Variants in UFSP2 observed in about 807,000 individuals in gnomAD.
The protein encoded by UFSP2 is UFM1 specific peptidase 2, also known as ufm1-specific protease 2.
In UFSP2, 43 loss-of-function variants were observed where a neutral mutation model predicts 60.2. The ratio of observed to expected loss-of-function variants is 0.71; its 90% CI spans 0.56 to 0.92. The LOEUF (loss-of-function observed/expected upper bound fraction) is 0.92, where lower values mean the gene tolerates loss of function less well. Among genes scored for constraint, UFSP2 ranks in the 40% least tolerant of loss-of-function variants. The pLI, the probability that UFSP2 is intolerant of heterozygous loss-of-function variation, is 0.00. For missense variants in UFSP2, 520 were observed against 575.0 expected, an observed-to-expected ratio of 0.90 and a Z score of 0.98; for synonymous variants, 183 against 195.1, an observed-to-expected ratio of 0.94 and a Z score of 0.52.
intron 9 of UFSP2, among the ~76,000 whole-genome samples, chr4:185,407,314 A>G (rs573208162): frequency 6.6e-6 from 1 of 152,226 alleles, no homozygotes; most frequent in South Asian, 2.1e-4. Flanking sequence ...TCGGCCTCCC[A>G]AAGTGCTACG....
Position 185,400,223 on chromosome 4 carries a change from T to G in UFSP2, c.*169A>C. On this transcript the variant is annotated 3_prime_UTR_variant, in exon 12 of 12. Transcript: ENST00000264689. ...GTGTATGCTTTGTCTTTTAAGTTATTAAAGGAACGTCTAAAAAATACATTC... is the reference window on the plus strand; with the variant it reads ...GTGTATGCTTTGTCTTTTAAGTTATGAAAGGAACGTCTAAAAAATACATTC... 2 of 710,674 alleles carry G rather than the reference T, an allele frequency of 2.8e-6. No homozygotes were observed. Among genetic ancestry groups the G allele is most frequent in the Non-Finnish European group, 4.6e-6 (2 of 436,860 alleles). The allele number at this position is 710,674 out of a possible 1,614,324, so 44.0% of individuals were successfully genotyped here.
At chr4:185,413,306 T>G (rs2095532785) in intron 7 of UFSP2, among the ~76,000 whole-genome samples, 1 of 152,120 alleles carries the variant, frequency 6.6e-6, no homozygotes, top group Non-Finnish European at 1.5e-5. Flanking sequence ...GAGAATTGCT[T>G]GAACCCAGGA....
chr4:185,406,696 C>G (rs769715543), intron 9 of UFSP2, among the ~76,000 whole-genome samples: 8 of 152,128 alleles, frequency 5.3e-5, no homozygotes, highest in Admixed American at 2.0e-4. Flanking sequence ...CTTCCTCAGC[C>G]TCCTGAGTAG....
intron 10 of UFSP2, among the ~76,000 whole-genome samples, chr4:185,405,002 CTT>C (rs70962563): frequency 5.8e-5 from 8 of 138,198 alleles, no homozygotes; most frequent in South Asian, 2.3e-4. Flanking sequence ...ACCTCCATTT[CTT>C]TTTTTTTTTT....
chr4:185,407,967 T>C lies in UFSP2; in HGVS notation c.1090A>G (p.Ile364Val). The change falls in exon 9 of 12, where the codon ATC becomes GTC. Residue 364 changes from isoleucine to valine, a missense_variant. Transcript: ENST00000264689. ...AACAGGATTTTTGACGTTATACCGA[T>C]CAATTGGTTTAGTACCAGCTGCACC... Reference protein sequence around the residue: ...IEVQLVLNQLIGITSKILFVS... With the variant: ...IEVQLVLNQLVGITSKILFVS... 1 of 1,614,140 alleles carries C rather than the reference T, an allele frequency of 6.2e-7. No homozygotes were observed. Among genetic ancestry groups the C allele is most frequent in the Middle Eastern group, 1.6e-4 (1 of 6,062 alleles).
At chr4:185,403,705 G>T in intron 10 of UFSP2, 87 bp from the exon 11 acceptor site, 4 of 1,506,874 alleles carry the variant, frequency 2.7e-6, no homozygotes, top group African/African-American at 1.4e-5. Flanking sequence ...TTACGGCCGG[G>T]CGTGGTGGCT....
chr4:185,400,552 G>T, intron 11 of UFSP2, 74 bp from the exon 12 acceptor site: 1 of 1,108,208 alleles, frequency 9.0e-7, no homozygotes, highest in Non-Finnish European at 1.3e-6. Context: ...GTGACATCAG[G>T]CTCTGTCAGC....
chr4:185,407,193 G>C (rs1384377882), intron 9 of UFSP2, among the ~76,000 whole-genome samples: 2 of 151,426 alleles, frequency 1.3e-5, no homozygotes, highest in East Asian at 3.9e-4. Flanking sequence ...TGGGATTACA[G>C]GCATGCGCCA....
In UFSP2 at chr4:185,425,860, A is replaced by G. The variant is rs537054997; in HGVS notation, c.3+6T>C. On this transcript the variant is annotated splice_donor_region_variant and intron_variant, in intron 1 of 11. Transcript: ENST00000264689. ...ACAGGGGTCGGTGACGAGCAGAGAT[A>G]CTCACCATGTCCGCGACGTGGCGGT... 4.4e-6 allele frequency: 7 copies of G among 1,604,084 alleles called. No individual in the cohort carries two copies. Among genetic ancestry groups the G allele is most frequent in the African/African-American group, 1.3e-5 (1 of 74,802 alleles).
rs148948766 is a variant in UFSP2, at chr4:185,403,146, T to A, written c.1323+348A>T. The stretch of plus-strand genomic sequence containing the variant: ...CTATCTTTTGGTTAATTCTAAAATT[T>A]TAAAAGTTTATATATTCTGCTCATC... On this transcript the variant is annotated intron_variant, in intron 11 of 11. Transcript: ENST00000264689. Among the ~76,000 whole-genome samples the A allele has an allele frequency of 1.3e-3, 202 of 152,340 alleles. 4 individuals are homozygous for A. In the East Asian group the frequency reaches 0.034, roughly 26 times the overall value.
intron 1 of UFSP2, among the ~76,000 whole-genome samples, chr4:185,425,246 C>T (rs2095557418): frequency 6.6e-6 from 1 of 152,028 alleles, no homozygotes; most frequent in Non-Finnish European, 1.5e-5. Context: ...TTGGGGGTTC[C>T]TGGAGGAAGA....
intron 10 of UFSP2, among the ~76,000 whole-genome samples, chr4:185,404,560 G>A (rs563576468): frequency 6.6e-6 from 1 of 151,998 alleles, no homozygotes; most frequent in East Asian, 1.9e-4. Context: ...GCCTCCCAAA[G>A]TGCTGGGATT....
intron 6 of UFSP2, 47 bp downstream of exon 6, chr4:185,415,108 A>T (rs368874211): frequency 5.1e-4 from 721 of 1,421,554 alleles, no homozygotes; most frequent in Non-Finnish European, 6.4e-4. Context: ...TACAAAATGA[A>T]TGATAGTCAT....
chr4:185,408,329 C>G lies in UFSP2; in HGVS notation c.938G>C (p.Trp313Ser). 6.2e-7 allele frequency: 1 copy of G among 1,614,076 alleles called. No homozygotes were observed. Among genetic ancestry groups the G allele is most frequent in the Non-Finnish European group, 8.5e-7 (1 of 1,180,002 alleles). Residue 313 changes from tryptophan to serine, a missense_variant, in exon 8 of 12, where the codon TGG (tryptophan) becomes TCG (serine). By Grantham distance (177) the Trp-to-Ser change is radical. Transcript: ENST00000264689. ...AYRSLQTICS[W>S]FKHQGYTERS... Reference sequence around the variant, plus strand: ...CTCTGTGTATCCCTGATGTTTGAACCAAGAGCAGATAGTCTGCAGAGATCG... The same window carrying G: ...CTCTGTGTATCCCTGATGTTTGAACGAAGAGCAGATAGTCTGCAGAGATCG...
At chr4:185,405,702 G>T in intron 10 of UFSP2, 78 bp downstream of exon 10, 2 of 1,470,684 alleles carry the variant, frequency 1.4e-6, no homozygotes, top group South Asian at 1.2e-5. Flanking sequence ...CTGATTTTAT[G>T]CAACATTAAA....
chr4:185,418,069 A>ACACACACACAC (rs1422329406), intron 4 of UFSP2, among the ~76,000 whole-genome samples: 193 of 22,780 alleles, frequency 8.5e-3, no homozygotes, highest in African/African-American at 0.034. Context: ...CACACACACA[A>ACACACACACAC]ACAACAGAAC....
intron 7 of UFSP2, among the ~76,000 whole-genome samples, chr4:185,412,433 T>C (rs1332382107): frequency 6.6e-6 from 1 of 152,270 alleles, no homozygotes; most frequent in Non-Finnish European, 1.5e-5. Context: ...GTATCGTATA[T>C]GCATTTTTTT....
chr4:185,401,659 C>T (rs1326969523), intron 11 of UFSP2, among the ~76,000 whole-genome samples: 1 of 152,136 alleles, frequency 6.6e-6, no homozygotes, highest in African/African-American at 2.4e-5. Context: ...TCAAGTGAAT[C>T]AATAGTTTTA....
intron 1 of UFSP2, among the ~76,000 whole-genome samples, chr4:185,425,057 A>G (rs1219543661): frequency 1.3e-5 from 2 of 152,254 alleles, no homozygotes; most frequent in Non-Finnish European, 2.9e-5. Context: ...AGATGGATAG[A>G]TCTCAAGGCC....
Sources: allele counts gnomAD v4.1 joint callset (sites outside exome capture counted in the v4.1 genomes callset), GRCh38; gene constraint gnomAD v4.1.1; transcripts MANE v1.5; gene names NCBI Gene and HGNC (gene_info 2026-07-23, HGNC 2026-07-21).